The following C12orf42 variants were observed in gnomAD, a reference collection of about 807,000 sequenced individuals.
C12orf42 encodes the protein uncharacterized protein C12orf42.
In C12orf42, 25 loss-of-function variants were observed where a neutral mutation model predicts 21.6. The observed-to-expected ratio is 1.16, with a 90% CI of 0.84 to 1.62. The LOEUF (loss-of-function observed/expected upper bound fraction) is 1.62, where lower values mean the gene tolerates loss of function less well. Ranked by LOEUF, C12orf42 falls within the 40% of genes most tolerant of loss-of-function variation. The pLI, the probability that C12orf42 is intolerant of heterozygous loss-of-function variation, is 0.00. For missense variants in C12orf42, 483 were observed against 459.3 expected (o/e 1.05, Z -0.47); for synonymous variants, 174 against 175.0 (o/e 0.99, Z 0.05).
chr12:103,495,068 C>T (rs1404007344), intron 1 of C12orf42, among the ~76,000 whole-genome samples: 3 of 151,658 alleles, frequency 2.0e-5, no homozygotes, highest in African/African-American at 7.3e-5. Context: ...AGGGTGGGGG[C>T]GGCGGTGGTA....
rs575154759 is a variant in C12orf42, at chr12:103,484,909, G to A, written c.-21-6462C>T. Among the ~76,000 whole-genome samples, 16 of 119,276 alleles carry A rather than the reference G, an allele frequency of 1.3e-4. No individual in the cohort carries two copies. In the East Asian group the frequency reaches 1.4e-3, roughly 10 times the overall value. The allele number at this position is 119,276 out of a possible 152,430, so 78.2% of individuals were successfully genotyped here. On this transcript the variant is annotated intron_variant, in intron 1 of 5. Coordinates refer to ENST00000548883, the MANE Select transcript of C12orf42 (RefSeq NM_198521.5). ...TTTTGAGAAGGAGTCTCTCTCTGTC[G>A]CCCAGGCTGGAGTGCAGTGGCACAA...
At chr12:103,525,622 T>C in the C12orf42 span, among the ~76,000 whole-genome samples, 1 of 152,122 alleles carries the variant, frequency 6.6e-6, no homozygotes, top group Admixed American at 6.5e-5. Flanking sequence ...ATTAGCAAAA[T>C]ATTATAAGTA....
chr12:103,416,030 G>T (rs1335068341), intron 2 of C12orf42, among the ~76,000 whole-genome samples: 1 of 69,126 alleles, frequency 1.4e-5, no homozygotes, highest in Non-Finnish European at 3.3e-5. Flanking sequence ...TCTTTGTTTA[G>T]TGGGTTTTTT....
At chr12:103,434,728 C>T (rs952832604) in intron 2 of C12orf42, among the ~76,000 whole-genome samples, 8 of 152,220 alleles carry the variant, frequency 5.3e-5, no homozygotes, top group African/African-American at 1.4e-4. Context: ...GATTATATGC[C>T]GCACCTGGCT....
chr12:103,513,417 G>T, the C12orf42 span, among the ~76,000 whole-genome samples: 113 of 152,288 alleles, frequency 7.4e-4, 2 homozygotes, highest in African/African-American at 2.7e-3. Context: ...CATGTCTAAA[G>T]CCAGATAGAT....
chr12:103,463,656 CAT>C (rs888729867), intron 2 of C12orf42, among the ~76,000 whole-genome samples: 2 of 152,112 alleles, frequency 1.3e-5, no homozygotes, highest in African/African-American at 4.8e-5. Context: ...CATAGGTAAA[CAT>C]GTGCTACGGT....
chr12:103,229,853 A>G, the C12orf42 span, among the ~76,000 whole-genome samples: 1 of 152,272 alleles, frequency 6.6e-6, no homozygotes, highest in Non-Finnish European at 1.5e-5. Context: ...AGCAATAAAT[A>G]GTATTTTATT....
the C12orf42 span, among the ~76,000 whole-genome samples, chr12:103,214,516 C>A: frequency 6.6e-6 from 1 of 152,154 alleles, no homozygotes; most frequent in Non-Finnish European, 1.5e-5. Context: ...TCTGGTTTAT[C>A]CAGCAAGTGG....
chr12:103,067,580 G>T, the C12orf42 span, among the ~76,000 whole-genome samples: 2 of 152,122 alleles, frequency 1.3e-5, no homozygotes, highest in Non-Finnish European at 2.9e-5. Flanking sequence ...CAGGAATGAA[G>T]GGGTAGAAGT....
intron 2 of C12orf42, among the ~76,000 whole-genome samples, chr12:103,413,546 T>C (rs1211988283): frequency 6.6e-6 from 1 of 152,062 alleles, no homozygotes; most frequent in Non-Finnish European, 1.5e-5. Flanking sequence ...TTAAGTCCTT[T>C]AGTGGTGATT....
the C12orf42 span, among the ~76,000 whole-genome samples, chr12:103,134,547 G>C: frequency 2.0e-5 from 3 of 151,650 alleles, no homozygotes; most frequent in Non-Finnish European, 2.9e-5. Flanking sequence ...CAGGTATTTG[G>C]AAATAGCTCA....
At chr12:103,558,072 A>T in the C12orf42 span, 1 of 152,038 alleles carries the variant, frequency 6.6e-6, no homozygotes, top group Admixed American at 6.6e-5. Flanking sequence ...TATGTTTTAG[A>T]TCAGTCCTCT....
chr12:103,106,662 T>C, the C12orf42 span, among the ~76,000 whole-genome samples: 44 of 151,674 alleles, frequency 2.9e-4, no homozygotes, highest in East Asian at 5.0e-3. Flanking sequence ...CATCAATGCA[T>C]AGTCGGGGAA....
chr12:103,294,639 G>GAAAGAAAGAAA (rs1566026190), intron 4 of C12orf42, among the ~76,000 whole-genome samples: 58 of 119,178 alleles, frequency 4.9e-4, no homozygotes, highest in East Asian at 1.8e-3. Context: ...AAAGAAAGAA[G>GAAAGAAAGAAA]GAAAAGAAAG....
chr12:103,206,255 C>T, the C12orf42 span, among the ~76,000 whole-genome samples: 1 of 152,216 alleles, frequency 6.6e-6, no homozygotes, highest in Non-Finnish European at 1.5e-5. Flanking sequence ...TTCCTCTACT[C>T]CTCTTGCCTT....
the C12orf42 span, among the ~76,000 whole-genome samples, chr12:103,068,929 C>G: frequency 1.2e-5 from 1 of 85,934 alleles, no homozygotes; most frequent in Non-Finnish European, 2.3e-5. Flanking sequence ...ATATCTCTCT[C>G]TCCACATATA....
intron 1 of C12orf42, among the ~76,000 whole-genome samples, chr12:103,481,787 T>C (rs1954490795): frequency 6.6e-6 from 1 of 151,246 alleles, no homozygotes; most frequent in Non-Finnish European, 1.5e-5. Flanking sequence ...GTGTCCTGGT[T>C]CTTCTGTTTT....
chr12:103,085,015 C>T, the C12orf42 span, among the ~76,000 whole-genome samples: 3 of 152,046 alleles, frequency 2.0e-5, no homozygotes, highest in Non-Finnish European at 4.4e-5. Context: ...CTGGGTAAGA[C>T]AATGTTGAAG....
chr12:103,070,228 A>G, the C12orf42 span, among the ~76,000 whole-genome samples: 16 of 152,140 alleles, frequency 1.1e-4, no homozygotes, highest in African/African-American at 3.4e-4. Flanking sequence ...GCTCTCCAGT[A>G]TTTTGCACCC....
Sources: allele counts gnomAD v4.1 joint callset (sites outside exome capture counted in the v4.1 genomes callset), GRCh38; gene constraint gnomAD v4.1.1; transcripts MANE v1.5; gene names NCBI Gene and HGNC (gene_info 2026-07-23, HGNC 2026-07-21).